NAA25: variants seen among roughly 807,000 people sequenced by gnomAD.
NAA25 encodes N-alpha-acetyltransferase 25, NatB auxiliary subunit, also known as N-terminal acetyltransferase B complex subunit NAA25.
In NAA25, 30 loss-of-function variants were observed where a neutral mutation model predicts 132.5. The observed-to-expected ratio is 0.23, with a 90% CI of 0.17 to 0.31. The LOEUF (loss-of-function observed/expected upper bound fraction) is 0.31. NAA25 is among the 10% of genes least tolerant of loss of function. The probability of loss-of-function intolerance (pLI) is 1.00; values close to 1 mark genes in which losing one functional copy is unlikely to be tolerated. For synonymous variants in NAA25, 359 were observed against 401.9 expected, an observed-to-expected ratio of 0.89 and a Z score of 1.28; for missense variants, 771 against 1,150.4, an observed-to-expected ratio of 0.67 and a Z score of 4.77.
intron 4 of NAA25, among the ~76,000 whole-genome samples, chr12:112,086,102 A>ACACACACACACACACACCCC (rs796241170): frequency 2.5e-5 from 3 of 120,788 alleles, no homozygotes; most frequent in East Asian, 6.0e-4. Context: ...ACACACACAC[A>ACACACACACACACACACCCC]CCCATAACCA....
At chr12:112,044,940 C>A (rs1465576703) in intron 17 of NAA25, among the ~76,000 whole-genome samples, 1 of 151,274 alleles carries the variant, frequency 6.6e-6, no homozygotes, top group African/African-American at 2.4e-5. Context: ...GTAGTCCCAG[C>A]TACTAGGGAG....
At chr12:112,053,371 T>C (rs1301724626) in intron 15 of NAA25, among the ~76,000 whole-genome samples, 187 bp downstream of exon 15, 3 of 152,148 alleles carry the variant, frequency 2.0e-5, no homozygotes, top group Non-Finnish European at 2.9e-5. Flanking sequence ...AACACGCCCA[T>C]TCTAACAAAC....
intron 11 of NAA25, among the ~76,000 whole-genome samples, chr12:112,063,286 A>C (rs1734147285): frequency 6.6e-6 from 1 of 152,158 alleles, no homozygotes; most frequent in Non-Finnish European, 1.5e-5. Context: ...GGTGTCCCTA[A>C]AGGCTAAAGT....
chr12:112,108,540 G>A (rs1851918323), intron 1 of NAA25, among the ~76,000 whole-genome samples, 176 bp downstream of exon 1: 1 of 151,834 alleles, frequency 6.6e-6, no homozygotes, highest in Non-Finnish European at 1.5e-5. Flanking sequence ...GGCTGAGGAA[G>A]GTTGGGCCGG....
At chr12:112,035,121 G>T (rs967709231) in intron 22 of NAA25, 1 of 152,166 alleles carries the variant, frequency 6.6e-6, no homozygotes, top group Non-Finnish European at 1.5e-5. Flanking sequence ...TTACTGACTG[G>T]TAAGTATATG....
chr12:112,098,991 C>CT lies in NAA25; in HGVS notation c.59-5856dup, dbSNP rs545549893. On this transcript the variant is annotated intron_variant, in intron 1 of 23. Transcript: ENST00000261745. ...CTATTTCTCTAAAAATTGCTAGTAT[C>CT]TTTTTTTTTTTTTGGAGACAGAGTC... Among the ~76,000 whole-genome samples, 819 of 144,510 alleles carry CT rather than the reference C, an allele frequency of 5.7e-3. 5 individuals carry two copies. The highest frequency in any genetic ancestry group is 0.016 in the African/African-American group (640 of 39,672). 94.8% of individuals were successfully genotyped at this position (144,510 alleles called of 152,430 possible). A position where few individuals can be genotyped will look rare whatever the true frequency, so the allele number is the denominator to read the frequency against.
At chr12:112,072,087 G>A in intron 9 of NAA25, 23 bp from the exon 10 acceptor site, 2 of 1,570,324 alleles carry the variant, frequency 1.3e-6, no homozygotes, top group Non-Finnish European at 1.7e-6. Context: ...ACATGAAAAA[G>A]GAATTTTATT....
chr12:112,087,753 T>C lies in NAA25; in HGVS notation c.332A>G (p.Asn111Ser), dbSNP rs142411607. Residue 111 changes from asparagine to serine, a missense_variant, in exon 4 of 24, where the codon AAT becomes AGT. Asn to Ser is a conservative substitution (Grantham distance 46). Transcript: ENST00000261745. ...GAGGTGAGAGTGATACTCCTCACTA[T>C]TGGGAACTTTCTTCACAGCTGCCTC... is the stretch of plus-strand genomic sequence containing the variant. ...LYEAAVKKVP[N>S]SEEYHSHLFM... The C allele has an allele frequency of 4.0e-5, 65 of 1,614,148 alleles. No individual in the cohort carries two copies. In the African/African-American group the frequency reaches 6.5e-4, roughly 16 times the overall value.
At chr12:112,068,418 C>G (rs969941072) in intron 11 of NAA25, among the ~76,000 whole-genome samples, 5 of 152,016 alleles carry the variant, frequency 3.3e-5, no homozygotes, top group African/African-American at 1.2e-4. Flanking sequence ...ACACAACACC[C>G]AAACACACAA....
At position 112,049,395 on chromosome 12, in the gene NAA25, C is replaced by T. The variant is rs746436204; in HGVS notation, c.1729-952G>A. ...TTCTAGAAAAAACAGTCTTTTTACA[C>T]AGCCTCAGTTAATCAGCTCTGCCCC... On this transcript the variant is annotated intron_variant, in intron 15 of 23. Transcript: ENST00000261745. This position sits in a 1 kb window ranked among gnomAD's most constrained non-coding sequence, Gnocchi z 4.7. The T allele has an allele frequency of 1.1e-4, 100 of 938,160 alleles. No individual in the cohort carries two copies. The highest frequency in any genetic ancestry group is 1.2e-4 in the Non-Finnish European group (95 of 786,682). 58.1% of individuals were successfully genotyped at this position (938,160 alleles called of 1,614,324 possible). A position where few individuals can be genotyped will look rare whatever the true frequency, so the allele number is the denominator to read the frequency against.
rs2078714274 is a variant in NAA25, at chr12:112,066,088, C to T, written c.1149+2792G>A. 1.3e-5 allele frequency among the ~76,000 whole-genome samples: 2 copies of T among 152,144 alleles called. 1 individual carries two copies. The highest frequency in any genetic ancestry group is 4.1e-4 in the South Asian group (2 of 4,830). ...TTCCAGTAAGGGTCATCTGAATAGA[C>T]GATTCTTACTATGTGGGATCACATG... is the stretch of plus-strand genomic sequence containing the variant. On this transcript the variant is annotated intron_variant, in intron 11 of 23. Transcript: ENST00000261745.
At chr12:112,073,459 G>C (rs989282700) in intron 9 of NAA25, among the ~76,000 whole-genome samples, 7 of 151,858 alleles carry the variant, frequency 4.6e-5, no homozygotes, top group Admixed American at 2.6e-4. Context: ...TTTTTTGAGA[G>C]GGAGTCTTGC....
At chr12:112,033,169 AG>A in intron 23 of NAA25, 63 bp downstream of exon 23, 4 of 1,407,778 alleles carry the variant, frequency 2.8e-6, no homozygotes, top group Non-Finnish European at 3.8e-6. Flanking sequence ...GATAAAGATG[AG>A]AGAGAGAGAC....
intron 9 of NAA25, among the ~76,000 whole-genome samples, chr12:112,073,137 AG>A (rs918483330): frequency 3.0e-4 from 46 of 151,938 alleles, no homozygotes; most frequent in African/African-American, 1.1e-3. Flanking sequence ...TTTGGGGCTG[AG>A]GCAAAAGGAT....
chr12:112,086,073 T>TATATATATATATACACACAC (rs759148501), intron 4 of NAA25, among the ~76,000 whole-genome samples: 46 of 53,966 alleles, frequency 8.5e-4, no homozygotes, highest in African/African-American at 1.2e-3. Flanking sequence ...TATATATATA[T>TATATATATATATACACACAC]ACACACACAC....
chr12:112,106,420 T>C (rs2136952970), intron 1 of NAA25, among the ~76,000 whole-genome samples: 2 of 151,740 alleles, frequency 1.3e-5, no homozygotes, highest in East Asian at 3.9e-4. Context: ...AGGCAGCTGC[T>C]GCACAAAGCT....
chr12:112,106,309 T>C (rs1193428149), intron 1 of NAA25, among the ~76,000 whole-genome samples: 4 of 152,108 alleles, frequency 2.6e-5, no homozygotes, highest in African/African-American at 9.7e-5. Flanking sequence ...TAAATAACTA[T>C]GGGACCAAAG....
intron 23 of NAA25, among the ~76,000 whole-genome samples, chr12:112,032,336 T>C (rs1007917467): frequency 1.3e-5 from 2 of 152,172 alleles, no homozygotes; most frequent in East Asian, 3.9e-4. Context: ...GTAAGCACTC[T>C]GTTCAAAGTC....
chr12:112,058,193 T>C (rs1241786901), intron 13 of NAA25, among the ~76,000 whole-genome samples: 2 of 151,128 alleles, frequency 1.3e-5, no homozygotes, highest in African/African-American at 2.4e-5. Flanking sequence ...TTACATACAA[T>C]GTCCTACAGA....
Sources: gnomAD v4.1 joint callset for allele counts (sites outside exome capture counted in the v4.1 genomes callset) on GRCh38, gnomAD v4.1.1 for gene constraint, Gnocchi (gnomAD v3.1) non-coding constraint, MANE v1.5 for transcripts, NCBI Gene and HGNC (gene_info 2026-07-23, HGNC 2026-07-21) for gene names.